Variants in FBXL4 observed in about 807,000 individuals in gnomAD.
FBXL4 encodes F-box/LRR-repeat protein 4.
A neutral mutation model predicts 58.9 loss-of-function variants in FBXL4; 40 were observed. The ratio of observed to expected loss-of-function variants is 0.68; its 90% CI spans 0.53 to 0.88. The LOEUF (loss-of-function observed/expected upper bound fraction) is 0.88. FBXL4 is among the 40% of genes least tolerant of loss of function. The pLI is 0.00. For synonymous variants in FBXL4, 263 were observed against 265.5 expected (o/e 0.99, Z 0.09); for missense variants, 676 against 734.4 (o/e 0.92, Z 0.92).
chr6:98,917,781 G>A (rs991952518), intron 4 of FBXL4, 62 bp from the exon 5 acceptor site: 2 of 1,222,448 alleles, frequency 1.6e-6, no homozygotes, highest in African/African-American at 3.0e-5. Context: ...GTCCCTTAAG[G>A]TTATAGACCC....
intron 8 of FBXL4, among the ~76,000 whole-genome samples, chr6:98,879,942 C>CAA (rs57952065): frequency 0.15 from 9,516 of 61,684 alleles, 1,271 homozygotes; most frequent in African/African-American, 0.25. Flanking sequence ...GACTCCATCT[C>CAA]AAAAAAAAAA....
chr6:98,935,258 C>CT lies in FBXL4; in HGVS notation c.-308-380dup, dbSNP rs11336857. On this transcript the variant is annotated intron_variant, in intron 1 of 9. Coordinates refer to ENST00000369244, the MANE Select transcript of FBXL4 (RefSeq NM_001278716.2). Reference sequence around the variant, plus strand: ...AAGCAGAAAAAGGAACTGAAGGAATCTTTTTTTTTTTTTTAAGTAGAGCTA... The same window carrying CT: ...AAGCAGAAAAAGGAACTGAAGGAATCTTTTTTTTTTTTTTTAAGTAGAGCTA... 4.0e-3 allele frequency among the ~76,000 whole-genome samples: 552 copies of CT among 137,738 alleles called. 3 individuals carry two copies. Among genetic ancestry groups the CT allele is most frequent in the African/African-American group, 8.2e-3 (306 of 37,498 alleles). 90.4% of individuals were successfully genotyped at this position (137,738 alleles called of 152,430 possible).
chr6:98,877,174 T>C (rs1315758649), intron 8 of FBXL4, among the ~76,000 whole-genome samples: 2 of 152,110 alleles, frequency 1.3e-5, no homozygotes, highest in African/African-American at 2.4e-5. Context: ...TAATGATTTC[T>C]AAGGTTCTGG....
chr6:98,928,065 T>C (rs1447762306), intron 2 of FBXL4, among the ~76,000 whole-genome samples: 1 of 152,230 alleles, frequency 6.6e-6, no homozygotes, highest in Non-Finnish European at 1.5e-5. Context: ...TATGTTTGTA[T>C]ACATATTTCA....
intron 2 of FBXL4, among the ~76,000 whole-genome samples, chr6:98,931,659 T>C (rs1414945110): frequency 6.6e-6 from 1 of 152,190 alleles, no homozygotes; most frequent in African/African-American, 2.4e-5. Flanking sequence ...AAGCAAGGCA[T>C]AGAAATAAAA....
chr6:98,914,439 A>G (rs1417819307), intron 5 of FBXL4, among the ~76,000 whole-genome samples: 2 of 152,218 alleles, frequency 1.3e-5, no homozygotes, highest in African/African-American at 2.4e-5. Flanking sequence ...GGCAAACCGA[A>G]TCCAGCAGCA....
chr6:98,938,855 G>A (rs1433084750), intron 1 of FBXL4, among the ~76,000 whole-genome samples: 4 of 152,080 alleles, frequency 2.6e-5, no homozygotes, highest in Non-Finnish European at 5.9e-5. Flanking sequence ...GGCCAAGGCA[G>A]AAGGATCACT....
intron 1 of FBXL4, among the ~76,000 whole-genome samples, chr6:98,944,732 T>C (rs913318084): frequency 6.6e-6 from 1 of 152,142 alleles, no homozygotes; most frequent in African/African-American, 2.4e-5. Flanking sequence ...TGTCTCCCTC[T>C]CTGGCAAAGA....
intron 7 of FBXL4, among the ~76,000 whole-genome samples, chr6:98,889,032 T>C (rs1450102173): frequency 6.6e-6 from 1 of 152,194 alleles, no homozygotes; most frequent in Non-Finnish European, 1.5e-5. Context: ...AATTAAATAT[T>C]CAAGTTGGTC....
At chr6:98,942,791 T>C (rs1478519236) in intron 1 of FBXL4, among the ~76,000 whole-genome samples, 1 of 151,942 alleles carries the variant, frequency 6.6e-6, no homozygotes, top group African/African-American at 2.4e-5. Context: ...AAACCAAGAA[T>C]GTAAAGAAGG....
chr6:98,930,028 C>T (rs1430957758), intron 2 of FBXL4, among the ~76,000 whole-genome samples: 2 of 152,162 alleles, frequency 1.3e-5, no homozygotes, highest in African/African-American at 4.8e-5. Flanking sequence ...AACTTTAGGA[C>T]CTGGTAAGAG....
At position 98,947,847 on chromosome 6, in the gene FBXL4, G is replaced by C. The variant is rs1038128528; in HGVS notation, c.-350C>G. ...GAGGCGCGCGCCGCGGGCTTCACCA[G>C]CGACCAGGCAGCGCGAGAAGGCCTG... On this transcript the variant is annotated 5_prime_UTR_variant, in exon 1 of 10. Transcript: ENST00000369244. The C allele has an allele frequency of 2.6e-4, 39 of 152,158 alleles. No homozygotes were observed. Among genetic ancestry groups the C allele is most frequent in the African/African-American group, 8.9e-4 (37 of 41,524 alleles). 9.4% of individuals were successfully genotyped at this position (152,158 alleles called of 1,614,324 possible). A position where few individuals can be genotyped will look rare whatever the true frequency, so the allele number is the denominator to read the frequency against.
chr6:98,910,473 G>A (rs2128396060), intron 5 of FBXL4, among the ~76,000 whole-genome samples: 1 of 152,192 alleles, frequency 6.6e-6, no homozygotes, highest in South Asian at 2.1e-4. Context: ...CTAACACAGT[G>A]AAACCCTGTC....
intron 7 of FBXL4, among the ~76,000 whole-genome samples, chr6:98,885,575 G>A (rs956889378): frequency 2.6e-4 from 40 of 152,034 alleles, no homozygotes; most frequent in Admixed American, 1.0e-3. Flanking sequence ...TCCAAATTCA[G>A]GAAAAAAAAC....
At position 98,873,560 on chromosome 6, in the gene FBXL4, G is replaced by C. The variant is rs1287933195; in HGVS notation, c.*718C>G. 1 of 151,892 alleles carries C rather than the reference G, an allele frequency of 6.6e-6. No homozygotes were observed. The highest frequency in any genetic ancestry group is 1.5e-5 in the Non-Finnish European group (1 of 67,986). 9.4% of individuals were successfully genotyped at this position (151,892 alleles called of 1,614,324 possible). A position where few individuals can be genotyped will look rare whatever the true frequency, so the allele number is the denominator to read the frequency against. Reference sequence around the variant, plus strand: ...AGTAGTGAAATAGACAAAAATATCAGAAGAAAAGTGGAAACACTACAATTT... The same window carrying C: ...AGTAGTGAAATAGACAAAAATATCACAAGAAAAGTGGAAACACTACAATTT... On this transcript the variant is annotated 3_prime_UTR_variant, in exon 10 of 10. Transcript: ENST00000369244.
At chr6:98,883,712 T>C (rs1237120310) in intron 7 of FBXL4, among the ~76,000 whole-genome samples, 1 of 151,872 alleles carries the variant, frequency 6.6e-6, no homozygotes, top group African/African-American at 2.4e-5. Flanking sequence ...GGTTTCCATA[T>C]ACGCATGAGT....
At chr6:98,891,722 CAAAA>C (rs34788813) in intron 7 of FBXL4, among the ~76,000 whole-genome samples, 2 of 108,354 alleles carry the variant, frequency 1.8e-5, no homozygotes, top group South Asian at 2.7e-4. Flanking sequence ...CTATCTCTAC[CAAAA>C]AAAAAAAAAA....
chr6:98,925,560 G>A (rs1772746802), intron 4 of FBXL4, among the ~76,000 whole-genome samples: 1 of 152,172 alleles, frequency 6.6e-6, no homozygotes, highest in South Asian at 2.1e-4. Flanking sequence ...AAGAGCAAAA[G>A]ACTAGAAACA....
intron 9 of FBXL4, chr6:98,875,202 T>C (rs1055953380): frequency 2.1e-5 from 12 of 566,934 alleles, no homozygotes; most frequent in South Asian, 8.2e-5. Context: ...AACTATAAAA[T>C]TGTTATTGTC....
Sources: gnomAD v4.1 joint callset for allele counts (sites outside exome capture counted in the v4.1 genomes callset) on GRCh38, gnomAD v4.1.1 for gene constraint, MANE v1.5 for transcripts, NCBI Gene and HGNC (gene_info 2026-07-23, HGNC 2026-07-21) for gene names.